NVL: variants seen among roughly 807,000 people sequenced by gnomAD.
NVL encodes the protein nuclear valosin-containing protein-like.
In NVL, 84 loss-of-function variants were observed where a neutral mutation model predicts 110.2. The observed-to-expected ratio is 0.76, with a 90% confidence interval of 0.64 to 0.91. The LOEUF is 0.91. Ranked by LOEUF, NVL falls within the 40% of genes least tolerant of loss-of-function variation. NVL has a pLI of 0.00. For synonymous variants in NVL, 354 were observed against 361.1 expected (o/e 0.98, Z 0.22); for missense variants, 882 against 1,035.9 (o/e 0.85, Z 2.04).
rs1664571310 is a variant in NVL, at chr1:224,267,123, A to G, written c.2182+911T>C. On this transcript the variant is annotated intron_variant, in intron 18 of 22. Transcript: ENST00000281701. ...GATAGCTTCGGGCAGGGGACTGATCACCAGAAAGATCAAGCATGTGATTAG... is the reference window on the plus strand; with the variant it reads ...GATAGCTTCGGGCAGGGGACTGATCGCCAGAAAGATCAAGCATGTGATTAG... Among the ~76,000 whole-genome samples the G allele has an allele frequency of 2.0e-5, 3 of 152,176 alleles. No homozygotes were observed. The South Asian group carries it at 6.2e-4, about 31-fold the overall frequency.
chr1:224,231,204 T>C lies in NVL; in HGVS notation c.2526+22A>G, dbSNP rs375912727. 52 of 1,543,918 alleles carry C rather than the reference T, an allele frequency of 3.4e-5. 1 individual carries two copies. The African/African-American group carries it at 6.9e-4, about 21-fold the overall frequency. On this transcript the variant is annotated intron_variant, in intron 22 of 22. Coordinates refer to ENST00000281701, the MANE Select transcript of NVL (RefSeq NM_002533.4). ...CTAAAATTCTAGTTTCCTTTCTCTA[T>C]GCATTTAATGGCATTGCTTACCTTT...
chr1:224,310,764 T>A (rs186183019), intron 5 of NVL, among the ~76,000 whole-genome samples: 24 of 151,996 alleles, frequency 1.6e-4, no homozygotes, highest in Admixed American at 1.1e-3. Flanking sequence ...TGCAATAAGG[T>A]CTGTCGCCCA....
At chr1:224,299,800 A>T (rs1668222953) in intron 10 of NVL, among the ~76,000 whole-genome samples, 1 of 152,114 alleles carries the variant, frequency 6.6e-6, no homozygotes, top group Non-Finnish European at 1.5e-5. Context: ...ACCATAACTA[A>T]GTAGATGGCC....
chr1:224,255,348 G>C (rs1663093769), intron 18 of NVL, among the ~76,000 whole-genome samples: 1 of 151,528 alleles, frequency 6.6e-6, no homozygotes, highest in Non-Finnish European at 1.5e-5. Context: ...CCACCACCAT[G>C]CTCAGCTAAT....
Position 224,300,657 on chromosome 1 carries a change from C to A in NVL, c.967G>T (p.Asp323Tyr). The change falls in exon 10 of 23, where the codon GAC (aspartate) becomes TAC (tyrosine). Residue 323 changes from aspartate (D) to tyrosine (Y), a missense_variant. Asp to Tyr is a radical substitution (Grantham distance 160, BLOSUM62 -3). This residue lies in a region of NVL where 416 missense variants were observed against 499.3 expected (regional missense o/e 0.83). Coordinates refer to ENST00000281701, the MANE Select transcript of NVL (RefSeq NM_002533.4). ...GCAGCCACTTTCAAAATTGGCAGGTCAAGTTCCTATGCAGACACATAAAAG... is the reference window on the plus strand; with the variant it reads ...GCAGCCACTTTCAAAATTGGCAGGTAAAGTTCCTATGCAGACACATAAAAG... ...LLAHAIAGEL[D>Y]LPILKVAAPE... is the part of the protein sequence containing the mutation. 1 of 1,613,048 alleles carries A rather than the reference C, an allele frequency of 6.2e-7. No individual in the cohort carries two copies. The highest frequency in any genetic ancestry group is 1.1e-5 in the South Asian group (1 of 91,010).
In NVL at chr1:224,303,787, C is replaced by A. The variant is rs971565927; in HGVS notation, c.896G>T (p.Arg299Leu). The change falls in exon 9 of 23, where the codon CGT becomes CTT. Residue 299 changes from arginine (R) to leucine (L), a missense_variant. This residue lies in a region of NVL where 416 missense variants were observed against 499.3 expected (regional missense o/e 0.83). Coordinates refer to ENST00000281701, the MANE Select transcript of NVL (RefSeq NM_002533.4). Reference protein sequence around the residue: ...VYHHLGVVPPRGVLLHGPPGC... With the variant: ...VYHHLGVVPPLGVLLHGPPGC... The stretch of plus-strand genomic sequence containing the variant: ...TGGTGGTCCATGAAGGAGAACTCCA[C>A]GAGGGGGCACGACGCCCAGGTGGTG... 4 of 1,613,458 alleles carry A rather than the reference C, an allele frequency of 2.5e-6. No homozygotes were observed. The highest frequency in any genetic ancestry group is 1.3e-5 in the African/African-American group (1 of 74,898).
chr1:224,323,201 G>A (rs1403669910), intron 2 of NVL, among the ~76,000 whole-genome samples: 1 of 152,172 alleles, frequency 6.6e-6, no homozygotes, highest in African/African-American at 2.4e-5. Context: ...AGTAGAACTT[G>A]TAAGTGATGA....
chr1:224,322,724 C>T (rs1193522762), intron 2 of NVL, among the ~76,000 whole-genome samples: 2 of 152,076 alleles, frequency 1.3e-5, no homozygotes, highest in Middle Eastern at 3.2e-3. Context: ...GAGAATGAGG[C>T]GGGCAGATTG....
chr1:224,318,183 A>G (rs1191488871), intron 2 of NVL, among the ~76,000 whole-genome samples: 5 of 152,226 alleles, frequency 3.3e-5, no homozygotes, highest in Admixed American at 3.3e-4. Flanking sequence ...TACTAAAAAT[A>G]TGAAAGAAAT....
At chr1:224,329,957 C>T in intron 1 of NVL, 114 bp downstream of exon 1, 1 of 1,037,220 alleles carries the variant, frequency 9.6e-7, no homozygotes, top group South Asian at 1.4e-5. Context: ...CAGACCCAGA[C>T]TGGGGAAAGA....
intron 6 of NVL, among the ~76,000 whole-genome samples, chr1:224,305,682 C>A (rs1341729982): frequency 6.6e-6 from 1 of 151,956 alleles, no homozygotes. Context: ...CTCAGCCTCC[C>A]AAGTAGCCCA....
At chr1:224,300,515 A>C (rs1558327474) in intron 10 of NVL, 47 bp downstream of exon 10, 1 of 1,340,578 alleles carries the variant, frequency 7.5e-7, no homozygotes, top group Admixed American at 1.9e-5. Flanking sequence ...TCTTTAATAT[A>C]AGCTGGTAGC....
Position 224,273,038 on chromosome 1 carries a change from A to C in NVL, c.2082+2301T>G, listed in dbSNP as rs541226361. On this transcript the variant is annotated intron_variant, in intron 17 of 22. Coordinates refer to ENST00000281701, the MANE Select transcript of NVL (RefSeq NM_002533.4). ...GACAGAGCGAGACTCCGTCTCAAAA[A>C]AAAACAAAAAAAACAAACAAACAAA... Among the ~76,000 whole-genome samples, 190 of 88,000 alleles carry C rather than the reference A, an allele frequency of 2.2e-3. 6 individuals are homozygous for C. In the East Asian group the frequency reaches 0.099, roughly 46 times the overall value. 57.7% of individuals were successfully genotyped at this position (88,000 alleles called of 152,430 possible).
intron 19 of NVL, among the ~76,000 whole-genome samples, chr1:224,242,823 CTTGT>C (rs1279225179): frequency 1.2e-4 from 17 of 138,850 alleles, no homozygotes; most frequent in African/African-American, 4.5e-4. Context: ...ATCATTAATG[CTTGT>C]TTTTTTTTTT....
In NVL at chr1:224,281,393, C is replaced by T. The variant is rs574639966; in HGVS notation, c.1900-208G>A. On this transcript the variant is annotated intron_variant, in intron 15 of 22. Coordinates refer to ENST00000281701, the MANE Select transcript of NVL (RefSeq NM_002533.4). ...TCGGCTCACTGCAAACTCTGCCTCC[C>T]GGGTTGACGCCATTCTCCTGCCTCA... Among the ~76,000 whole-genome samples the T allele has an allele frequency of 8.6e-4, 130 of 151,720 alleles. 1 individual carries two copies. Among genetic ancestry groups the T allele is most frequent in the African/African-American group, 3.0e-3 (124 of 41,344 alleles).
At chr1:224,300,931 C>A (rs533193668) in intron 9 of NVL, among the ~76,000 whole-genome samples, 2 of 151,998 alleles carry the variant, frequency 1.3e-5, no homozygotes, top group South Asian at 4.2e-4. Context: ...ATGGAGAAAC[C>A]CCATTTTTAC....
chr1:224,323,306 C>T (rs1670836157), intron 2 of NVL, among the ~76,000 whole-genome samples: 1 of 151,996 alleles, frequency 6.6e-6, no homozygotes, highest in Non-Finnish European at 1.5e-5. Flanking sequence ...TATAGAGAGA[C>T]ATAAAGAAGG....
intron 21 of NVL, among the ~76,000 whole-genome samples, chr1:224,231,631 C>A (rs557698295): frequency 3.3e-5 from 5 of 152,064 alleles, no homozygotes; most frequent in Admixed American, 2.6e-4. Context: ...AAGTAGGATT[C>A]CATAGTATTA....
At chr1:224,308,400 T>A in intron 5 of NVL, 137 bp from the exon 6 acceptor site, 1 of 776,340 alleles carries the variant, frequency 1.3e-6, no homozygotes, top group Non-Finnish European at 2.0e-6. Flanking sequence ...TCAGAATATA[T>A]AGGTGTTAGG....
Sources: gnomAD v4.1 joint callset for allele counts (sites outside exome capture counted in the v4.1 genomes callset) on GRCh38, gnomAD v4.1.1 for gene constraint, gnomAD v4.1.1 regional missense constraint, MANE v1.5 for transcripts, NCBI Gene and HGNC (gene_info 2026-07-23, HGNC 2026-07-21) for gene names.